The following CNTLN variants were observed in gnomAD, a reference collection of about 807,000 sequenced individuals.
CNTLN encodes the protein centlein, also known as centlein, centrosomal protein.
CNTLN carries 212 observed loss-of-function variants against 180.0 expected under a neutral mutation model. The ratio of observed to expected loss-of-function variants is 1.18; its 90% CI spans 1.05 to 1.32. The LOEUF is 1.32. CNTLN is among the 40% of genes most tolerant of loss of function. The pLI is 0.00. For synonymous variants in CNTLN, 722 were observed against 563.1 expected (o/e 1.28, Z -3.99); for missense variants, 2,095 against 1,610.9 (o/e 1.30, Z -5.14).
rs369482983 is a variant in CNTLN, at chr9:17,474,320, A to G, written c.3855+7429A>G. The stretch of plus-strand genomic sequence containing the variant: ...AGCTTTTTTTCTCTATCCCAGAACA[A>G]TATTTTCACTAGTCATCCAGATGGT... On this transcript the variant is annotated intron_variant, in intron 23 of 25. Transcript: ENST00000380647. Among the ~76,000 whole-genome samples the G allele has an allele frequency of 2.2e-4, 34 of 152,290 alleles. 1 individual carries two copies. In the East Asian group the frequency reaches 2.7e-3, roughly 12 times the overall value.
chr9:17,298,058 T>G (rs1454230318), intron 6 of CNTLN, 132 bp from the exon 7 acceptor site: 1 of 563,844 alleles, frequency 1.8e-6, no homozygotes, highest in Non-Finnish European at 2.9e-6. Flanking sequence ...TTTCTTTTAT[T>G]AATAAGTTTG....
chr9:17,176,994 C>T (rs1041107735), intron 2 of CNTLN, among the ~76,000 whole-genome samples: 2 of 152,108 alleles, frequency 1.3e-5, no homozygotes, highest in African/African-American at 4.8e-5. Flanking sequence ...GAAGTTTTTG[C>T]AAAGTATTGC....
At chr9:17,427,596 C>T (rs1439798369) in intron 18 of CNTLN, among the ~76,000 whole-genome samples, 3 of 152,124 alleles carry the variant, frequency 2.0e-5, no homozygotes, top group Non-Finnish European at 2.9e-5. Context: ...CATACTAATA[C>T]ATATAGGCAT....
intron 2 of CNTLN, among the ~76,000 whole-genome samples, chr9:17,196,932 A>G (rs1822170918): frequency 6.6e-6 from 1 of 152,192 alleles, no homozygotes; most frequent in Non-Finnish European, 1.5e-5. Context: ...TTGTGTTATC[A>G]AATGTTAGAT....
At chr9:17,369,040 C>T (rs1824082500) in intron 13 of CNTLN, among the ~76,000 whole-genome samples, 1 of 152,164 alleles carries the variant, frequency 6.6e-6, no homozygotes, top group African/African-American at 2.4e-5. Context: ...TTTGTGTCCC[C>T]ACCCCAGACT....
chr9:17,235,627 G>A, intron 3 of CNTLN, 31 bp from the exon 4 acceptor site: 1 of 1,445,282 alleles, frequency 6.9e-7, no homozygotes. Flanking sequence ...AGAAATAAAA[G>A]CTCACCAGTA....
intron 7 of CNTLN, among the ~76,000 whole-genome samples, chr9:17,302,580 T>C (rs1278773436): frequency 1.3e-5 from 2 of 151,744 alleles, no homozygotes; most frequent in African/African-American, 4.9e-5. Context: ...TCATGGATTC[T>C]AAGGGGACCT....
chr9:17,522,786 G>A, the CNTLN span, among the ~76,000 whole-genome samples: 1 of 151,558 alleles, frequency 6.6e-6, no homozygotes, highest in Non-Finnish European at 1.5e-5. Context: ...AAGGATTGAT[G>A]CCCAAGCGTG....
intron 18 of CNTLN, among the ~76,000 whole-genome samples, chr9:17,421,370 T>G (rs1198883819): frequency 6.6e-6 from 1 of 152,150 alleles, no homozygotes. Context: ...TTTAAAAATA[T>G]GATATAAGTA....
At chr9:17,379,862 T>A (rs1825085680) in intron 13 of CNTLN, among the ~76,000 whole-genome samples, 2 of 152,206 alleles carry the variant, frequency 1.3e-5, no homozygotes, top group Admixed American at 6.5e-5. Context: ...TTCAGTCTCC[T>A]CTAGTCTTCC....
chr9:17,415,903 A>C, intron 17 of CNTLN, 22 bp downstream of exon 17: 1 of 1,589,062 alleles, frequency 6.3e-7, no homozygotes, highest in Non-Finnish European at 8.6e-7. Context: ...TATGCAATTA[A>C]CAATATGTCT....
the CNTLN span, among the ~76,000 whole-genome samples, chr9:17,522,857 A>C: frequency 6.6e-6 from 1 of 152,206 alleles, no homozygotes; most frequent in African/African-American, 2.4e-5. Flanking sequence ...GCCCGCTGAC[A>C]AAATTCTCTT....
At chr9:17,234,066 C>T (rs1374091918) in intron 3 of CNTLN, among the ~76,000 whole-genome samples, 3 of 152,102 alleles carry the variant, frequency 2.0e-5, no homozygotes, top group Non-Finnish European at 4.4e-5. Context: ...ATTATTTACA[C>T]ACTGATCACA....
At chr9:17,147,816 A>G (rs1261745055) in intron 2 of CNTLN, among the ~76,000 whole-genome samples, 2 of 152,154 alleles carry the variant, frequency 1.3e-5, no homozygotes, top group Non-Finnish European at 2.9e-5. Context: ...GCTATTTTTA[A>G]AAATAGTATA....
intron 2 of CNTLN, among the ~76,000 whole-genome samples, chr9:17,212,891 G>C (rs181128008): frequency 0.026 from 3,989 of 152,046 alleles, 181 homozygotes; most frequent in African/African-American, 0.09. Flanking sequence ...CTGTGGGATC[G>C]GTGGTGATAT....
intron 5 of CNTLN, among the ~76,000 whole-genome samples, chr9:17,253,211 C>T (rs1826261470): frequency 6.6e-6 from 1 of 151,736 alleles, no homozygotes; most frequent in Non-Finnish European, 1.5e-5. Flanking sequence ...TCTCATACCT[C>T]CAGCTTGGTT....
intron 15 of CNTLN, among the ~76,000 whole-genome samples, chr9:17,407,771 G>A (rs1827506187): frequency 6.6e-6 from 1 of 152,100 alleles, no homozygotes; most frequent in Admixed American, 6.5e-5. Context: ...TAGTGTCCCA[G>A]GAAGATGAAA....
At chr9:17,498,952 T>C (rs539568639) in intron 25 of CNTLN, among the ~76,000 whole-genome samples, 9 of 152,322 alleles carry the variant, frequency 5.9e-5, no homozygotes, top group African/African-American at 2.2e-4. Context: ...AAGGGAGACG[T>C]AGCCCCTTCC....
intron 6 of CNTLN, among the ~76,000 whole-genome samples, chr9:17,294,932 G>A (rs1464725171): frequency 7.4e-6 from 1 of 135,218 alleles, no homozygotes; most frequent in Non-Finnish European, 1.6e-5. Flanking sequence ...GGGGGAGGGC[G>A]GGGGAGGCTC....
Sources: gnomAD v4.1 joint callset for allele counts (sites outside exome capture counted in the v4.1 genomes callset) on GRCh38, gnomAD v4.1.1 for gene constraint, MANE v1.5 for transcripts, NCBI Gene and HGNC (gene_info 2026-07-23, HGNC 2026-07-21) for gene names.